Variants in UBR1 observed in about 807,000 individuals in gnomAD.
The protein encoded by UBR1 is ubiquitin protein ligase E3 component n-recognin 1.
Under a neutral mutation model 242.1 loss-of-function variants are expected in UBR1, and 102 were observed. The ratio of observed to expected loss-of-function variants is 0.42; its 90% CI spans 0.36 to 0.50. The LOEUF is 0.50. Among genes scored for constraint, UBR1 ranks in the 20% least tolerant of loss-of-function variants. The probability of loss-of-function intolerance (pLI) is 0.01; values close to 1 mark genes in which losing one functional copy is unlikely to be tolerated. For missense variants in UBR1, 1,772 were observed against 2,101.8 expected, an observed-to-expected ratio of 0.84 and a Z score of 3.07; for synonymous variants, 675 against 684.8, an observed-to-expected ratio of 0.99 and a Z score of 0.22.
intron 1 of UBR1, chr15:43,092,079 A>G (rs1411963239): frequency 2.3e-6 from 1 of 437,340 alleles, no homozygotes. Context: ...GTGAGACCCC[A>G]TCTCAAAAAA....
At chr15:42,964,811 C>A (rs971966414) in intron 41 of UBR1, among the ~76,000 whole-genome samples, 1 of 152,218 alleles carries the variant, frequency 6.6e-6, no homozygotes, top group African/African-American at 2.4e-5. Context: ...ACTGTCTGTT[C>A]AACTCAACCC....
At position 43,059,039 on chromosome 15, in the gene UBR1, T is replaced by C. The variant is rs1376739169; in HGVS notation, c.1093+46A>G. 12 of 1,484,696 alleles carry C rather than the reference T, an allele frequency of 8.1e-6. No individual in the cohort carries two copies. In the Admixed American group the frequency reaches 1.8e-4, roughly 23 times the overall value. 92.0% of individuals were successfully genotyped at this position (1,484,696 alleles called of 1,614,324 possible). On this transcript the variant is annotated intron_variant, in intron 9 of 46. Coordinates refer to ENST00000290650, the MANE Select transcript of UBR1 (RefSeq NM_174916.3). ...TTACAGCTCCACTTTAAGGTCATAA[T>C]CTTCCTTTGCTTCCTGACAAACAGC...
intron 1 of UBR1, among the ~76,000 whole-genome samples, chr15:43,105,106 A>G (rs541997342): frequency 2.1e-4 from 32 of 152,304 alleles, no homozygotes; most frequent in African/African-American, 7.7e-4. Flanking sequence ...GTATATCCCA[A>G]ATCTCTAAAT....
chr15:43,067,889 A>C lies in UBR1; in HGVS notation c.798+9T>G, dbSNP rs756295784. On this transcript the variant is annotated intron_variant, in intron 6 of 46. Coordinates refer to ENST00000290650, the MANE Select transcript of UBR1 (RefSeq NM_174916.3). Reference sequence around the variant, plus strand: ...AAACAGAAACGCAATTCAAAAGGAGACCACAAACCTCTTTGTCAATGGCAG... The same window carrying C: ...AAACAGAAACGCAATTCAAAAGGAGCCCACAAACCTCTTTGTCAATGGCAG... The C allele has an allele frequency of 6.2e-7, 1 of 1,613,894 alleles. No individual in the cohort carries two copies. The highest frequency in any genetic ancestry group is 8.5e-7 in the Non-Finnish European group (1 of 1,179,968).
At chr15:43,054,946 G>A (rs375452929) in intron 11 of UBR1, 47 bp from the exon 12 acceptor site, 73 of 1,595,668 alleles carry the variant, frequency 4.6e-5, no homozygotes, top group Non-Finnish European at 6.1e-5. Context: ...ACTCATTGTG[G>A]TATGGACTTA....
chr15:43,082,555 G>A, intron 3 of UBR1, 83 bp downstream of exon 3: 1 of 1,041,272 alleles, frequency 9.6e-7, no homozygotes, highest in Non-Finnish European at 1.5e-6. Context: ...TGTTATAGCA[G>A]GAATGTGAAT....
rs548041710 is a variant in UBR1 at position 43,047,422 on chromosome 15, C to T, written c.1540-133G>A. 4.6e-6 allele frequency: 6 copies of T among 1,297,314 alleles called. No individual in the cohort carries two copies. In the East Asian group the frequency reaches 1.4e-4, roughly 31 times the overall value. The allele number at this position is 1,297,314 out of a possible 1,614,324, so 80.4% of individuals were successfully genotyped here. The stretch of plus-strand genomic sequence containing the variant: ...TACACTGGGTCAGAATGCATGGGTT[C>T]AATTCCCAGCTCTCAGGTATGTGCT... On this transcript the variant is annotated intron_variant, in intron 13 of 46. Transcript: ENST00000290650.
intron 30 of UBR1, among the ~76,000 whole-genome samples, chr15:43,006,794 A>C (rs1201195539): frequency 6.6e-6 from 1 of 152,200 alleles, no homozygotes; most frequent in African/African-American, 2.4e-5. Context: ...GGAGGGACTA[A>C]TCTGGATTAA....
rs147686347 is a variant in UBR1 at position 43,007,549 on chromosome 15, AC to A, written c.3210-266del. Among the ~76,000 whole-genome samples, 156 of 151,604 alleles carry A rather than the reference AC, an allele frequency of 1.0e-3. 1 individual carries two copies. Among genetic ancestry groups the A allele is most frequent in the Middle Eastern group, 3.5e-3 (1 of 288 alleles). On this transcript the variant is annotated intron_variant, in intron 29 of 46. Transcript: ENST00000290650. Reference sequence around the variant, plus strand: ...ATTATAATTTTACTTAATTTACTATACCAATAAGCTGGGCTTTTTTTTTTTT... The same window carrying A: ...ATTATAATTTTACTTAATTTACTATACAATAAGCTGGGCTTTTTTTTTTTT...
At chr15:42,995,266 TAAATAA>T (rs1785132645) in intron 33 of UBR1, among the ~76,000 whole-genome samples, 1 of 152,112 alleles carries the variant, frequency 6.6e-6, no homozygotes, top group Non-Finnish European at 1.5e-5. Context: ...TACATTTTTT[TAAATAA>T]AAAGAAACTA....
Position 42,945,043 on chromosome 15 carries a change from C to T in UBR1, c.*286G>A, listed in dbSNP as rs1392812251. On this transcript the variant is annotated 3_prime_UTR_variant, in exon 47 of 47. Transcript: ENST00000290650. ...CAACTGTTTGACGTGACTTCATCTA[C>T]CAAGTGGATGAAATAAAATGAAATG... 2.5e-6 allele frequency: 1 copy of T among 405,444 alleles called. No individual in the cohort carries two copies. Among genetic ancestry groups the T allele is most frequent in the Non-Finnish European group, 4.6e-6 (1 of 215,776 alleles). The allele number at this position is 405,444 out of a possible 1,614,324, so 25.1% of individuals were successfully genotyped here. A position where few individuals can be genotyped will look rare whatever the true frequency, so the allele number is the denominator to read the frequency against.
At chr15:43,027,728 C>CA (rs762578236) in intron 22 of UBR1, 48 bp downstream of exon 22, 2 of 1,561,484 alleles carry the variant, frequency 1.3e-6, no homozygotes, top group African/African-American at 2.7e-5. Context: ...AGTACAAGAA[C>CA]AAAGATCAAA....
At chr15:43,025,545 T>C in intron 23 of UBR1, 116 bp from the exon 24 acceptor site, 3 of 747,360 alleles carry the variant, frequency 4.0e-6, no homozygotes, top group East Asian at 2.7e-5. Flanking sequence ...TACTGAAGCA[T>C]GTATTCAAAA....
intron 1 of UBR1, among the ~76,000 whole-genome samples, chr15:43,089,878 G>T (rs752976007): frequency 6.6e-6 from 1 of 152,200 alleles, no homozygotes; most frequent in African/African-American, 2.4e-5. Context: ...AACAAGGAAA[G>T]ATCAAGACAT....
intron 37 of UBR1, among the ~76,000 whole-genome samples, chr15:42,983,533 C>T (rs144898621): frequency 1.3e-5 from 2 of 151,444 alleles, no homozygotes; most frequent in East Asian, 1.9e-4. Flanking sequence ...GGCGTGGTTG[C>T]GGGCACCTGT....
At chr15:43,090,756 A>C (rs1471771577) in intron 1 of UBR1, among the ~76,000 whole-genome samples, 1 of 152,172 alleles carries the variant, frequency 6.6e-6, no homozygotes, top group African/African-American at 2.4e-5. Flanking sequence ...AAAAGAGTAC[A>C]AGCCCCTCAC....
At chr15:42,951,555 G>C (rs1314035784) in intron 45 of UBR1, among the ~76,000 whole-genome samples, 4 of 152,112 alleles carry the variant, frequency 2.6e-5, no homozygotes, top group Non-Finnish European at 5.9e-5. Flanking sequence ...TCAATCTTTT[G>C]CTGAAAGACC....
chr15:43,078,948 T>G (rs1403372263), intron 3 of UBR1, among the ~76,000 whole-genome samples: 1 of 151,380 alleles, frequency 6.6e-6, no homozygotes, highest in Admixed American at 6.6e-5. Flanking sequence ...GATGAGAAAA[T>G]CATGCCAGAA....
intron 29 of UBR1, among the ~76,000 whole-genome samples, chr15:43,013,146 C>A (rs2032951922): frequency 6.6e-6 from 1 of 152,216 alleles, no homozygotes; most frequent in Non-Finnish European, 1.5e-5. Context: ...CTCAGATGAT[C>A]CACCTGCCTC....
Sources: gnomAD v4.1 joint callset for allele counts (sites outside exome capture counted in the v4.1 genomes callset) on GRCh38, gnomAD v4.1.1 for gene constraint, MANE v1.5 for transcripts, NCBI Gene and HGNC (gene_info 2026-07-23, HGNC 2026-07-21) for gene names.